PRKG2: variants seen among roughly 807,000 people sequenced by gnomAD.
PRKG2 encodes protein kinase cGMP-dependent 2.
In PRKG2, 33 loss-of-function variants were observed where a neutral mutation model predicts 97.2. The ratio of observed to expected loss-of-function variants is 0.34; its 90% confidence interval spans 0.26 to 0.45. PRKG2 has a LOEUF of 0.45. PRKG2 is among the 20% of genes least tolerant of loss of function. PRKG2 has a pLI of 1.00. For synonymous variants in PRKG2, 330 were observed against 321.8 expected, an observed-to-expected ratio of 1.03 and a Z score of -0.27; for missense variants, 638 against 900.0, an observed-to-expected ratio of 0.71 and a Z score of 3.73.
intron 9 of PRKG2, 50 bp downstream of exon 9, chr4:81,148,834 A>G: frequency 5.3e-6 from 8 of 1,521,192 alleles, no homozygotes; most frequent in Non-Finnish European, 7.3e-6. Flanking sequence ...CAGAAGGCCA[A>G]GTCTTCAAAG....
chr4:81,171,586 G>C (rs1560600677), intron 4 of PRKG2, 105 bp downstream of exon 4: 3 of 780,004 alleles, frequency 3.8e-6, no homozygotes, highest in Non-Finnish European at 5.9e-6. Context: ...AACATATAGG[G>C]TAAAATGGGA....
rs577338921 is a variant in PRKG2 at position 81,117,234 on chromosome 4, C to T, written c.1777-6623G>A. On this transcript the variant is annotated intron_variant, in intron 14 of 18. Coordinates refer to ENST00000264399, the MANE Select transcript of PRKG2 (RefSeq NM_006259.3). ...TCTTGAACTCCTGAACTCAAGCAAT[C>T]CTCCCTCCTCGGGTGTCCCAAAGCG... Among the ~76,000 whole-genome samples the T allele has an allele frequency of 1.1e-4, 16 of 152,066 alleles. 1 individual carries two copies. The South Asian group carries it at 2.9e-3, about 28-fold the overall frequency.
chr4:81,120,325 G>A (rs527802233), intron 14 of PRKG2, among the ~76,000 whole-genome samples: 1 of 152,340 alleles, frequency 6.6e-6, no homozygotes, highest in African/African-American at 2.4e-5. Context: ...TGAATCTGCT[G>A]TGATTCTGGG....
At chr4:81,209,865 A>C (rs1753876909) in intron 1 of PRKG2, among the ~76,000 whole-genome samples, 1 of 152,132 alleles carries the variant, frequency 6.6e-6, no homozygotes, top group African/African-American at 2.4e-5. Flanking sequence ...TGGTGAAAAA[A>C]TAGACAAGTA....
chr4:81,120,216 A>G (rs1744945501), intron 14 of PRKG2, among the ~76,000 whole-genome samples: 1 of 152,114 alleles, frequency 6.6e-6, no homozygotes, highest in South Asian at 2.1e-4. Context: ...AAGACCTGTA[A>G]CCAATCCAGC....
chr4:81,149,980 C>G (rs1748222246), intron 8 of PRKG2, among the ~76,000 whole-genome samples: 1 of 152,162 alleles, frequency 6.6e-6, no homozygotes, highest in Non-Finnish European at 1.5e-5. Context: ...CTGTCCCTCC[C>G]AAGTTTACAG....
chr4:81,152,187 T>A (rs1748472939), intron 7 of PRKG2, 133 bp from the exon 8 acceptor site: 1 of 655,026 alleles, frequency 1.5e-6, no homozygotes, highest in Non-Finnish European at 2.5e-6. Flanking sequence ...TGTTTTAATT[T>A]TATGGTAATT....
intron 17 of PRKG2, among the ~76,000 whole-genome samples, chr4:81,100,136 G>T (rs1742576846): frequency 6.6e-6 from 1 of 151,528 alleles, no homozygotes. Context: ...TGGCCATACT[G>T]CCCAAGGTAA....
At chr4:81,129,086 C>G (rs1437217989) in intron 14 of PRKG2, among the ~76,000 whole-genome samples, 1 of 152,172 alleles carries the variant, frequency 6.6e-6, no homozygotes, top group Non-Finnish European at 1.5e-5. Flanking sequence ...AGTAGTCATT[C>G]AGGAGCAGGT....
chr4:81,104,415 C>T lies in PRKG2; in HGVS notation c.2081G>A (p.Arg694Lys). Residue 694 changes from arginine (R) to lysine (K), a missense_variant, in exon 17 of 19, where the codon AGG (arginine) becomes AAG (lysine). This residue lies in a region of PRKG2 where 304 missense variants were observed against 460.5 expected (regional missense o/e 0.66). Transcript: ENST00000264399. ...RRLCRQNPTE[R>K]LGNLKNGIND... ...TATTCCATTCTTCAGATTTCCCAGC[C>T]TTTCTGTTGGATTTTGCCTAAAACA... 1 of 1,464,014 alleles carries T rather than the reference C, an allele frequency of 6.8e-7. No homozygotes were observed. Among genetic ancestry groups the T allele is most frequent in the Non-Finnish European group, 9.1e-7 (1 of 1,103,276 alleles). The allele number at this position is 1,464,014 out of a possible 1,614,324, so 90.7% of individuals were successfully genotyped here. A position where few individuals can be genotyped will look rare whatever the true frequency, so the allele number is the denominator to read the frequency against.
chr4:81,139,781 C>CAAAAAAAAAAA (rs548249378), intron 12 of PRKG2, among the ~76,000 whole-genome samples: 3 of 75,324 alleles, frequency 4.0e-5, no homozygotes, highest in South Asian at 4.5e-4. Context: ...TCTCAAAAGA[C>CAAAAAAAAAAA]AAAAAAAAAA....
In PRKG2 at chr4:81,174,648, A is replaced by C. The variant is rs548883395; in HGVS notation, c.628+145T>G. 487 of 744,496 alleles carry C rather than the reference A, an allele frequency of 6.5e-4. 2 individuals are homozygous for C. In the African/African-American group the frequency reaches 7.8e-3, roughly 12 times the overall value. The allele number at this position is 744,496 out of a possible 1,614,324, so 46.1% of individuals were successfully genotyped here. ...ATTAAACATTACCATCATCATGATT[A>C]GATCAACAATTTTGCTATTTCATGA... On this transcript the variant is annotated intron_variant, in intron 3 of 18. Transcript: ENST00000264399.
At chr4:81,173,267 T>C (rs1390602283) in intron 3 of PRKG2, among the ~76,000 whole-genome samples, 2 of 152,156 alleles carry the variant, frequency 1.3e-5, no homozygotes, top group Non-Finnish European at 2.9e-5. Flanking sequence ...TTAATTCAAA[T>C]AAGAAACCAT....
Position 81,137,498 on chromosome 4 carries a change from A to AT in PRKG2, c.1545-17_1545-16insA. 1 of 1,576,712 alleles carries AT rather than the reference A, an allele frequency of 6.3e-7. No individual in the cohort carries two copies. Among genetic ancestry groups the AT allele is most frequent in the Non-Finnish European group, 8.7e-7 (1 of 1,149,030 alleles). ...ACGATATAATCTGTGAAGACAGATA[A>AT]AAACATGGTTATTATTGGAAATCTA... is the stretch of plus-strand genomic sequence containing the variant. On this transcript the variant is annotated splice_polypyrimidine_tract_variant and intron_variant, in intron 12 of 18. Transcript: ENST00000264399.
intron 2 of PRKG2, among the ~76,000 whole-genome samples, chr4:81,196,790 G>T (rs933148853): frequency 1.3e-5 from 2 of 151,974 alleles, no homozygotes; most frequent in African/African-American, 4.8e-5. Flanking sequence ...AAAGAAACCT[G>T]TCACACATAA....
intron 2 of PRKG2, among the ~76,000 whole-genome samples, chr4:81,179,723 C>G (rs1350365619): frequency 6.6e-6 from 1 of 152,084 alleles, no homozygotes; most frequent in Non-Finnish European, 1.5e-5. Flanking sequence ...ATGGAGTTAA[C>G]ACAATTTAAG....
At chr4:81,164,952 G>A (rs1749856471) in intron 6 of PRKG2, 1 of 152,122 alleles carries the variant, frequency 6.6e-6, no homozygotes, top group Non-Finnish European at 1.5e-5. Context: ...CATGTGTGGG[G>A]GCAGAAACTA....
At chr4:81,215,625 C>G (rs529754100), upstream of PRKG2, among the ~76,000 whole-genome samples, 3 of 151,710 alleles carry the variant, frequency 2.0e-5, no homozygotes, top group South Asian at 4.2e-4. Flanking sequence ...AACAGGCGCA[C>G]GTACCCTGGA....
At chr4:81,124,075 C>T (rs192588908) in intron 14 of PRKG2, among the ~76,000 whole-genome samples, 1 of 152,272 alleles carries the variant, frequency 6.6e-6, no homozygotes, top group African/African-American at 2.4e-5. Context: ...GATCCTTCAT[C>T]AGGGATCATT....
Sources: gnomAD v4.1 joint callset for allele counts (sites outside exome capture counted in the v4.1 genomes callset) on GRCh38, gnomAD v4.1.1 for gene constraint, gnomAD v4.1.1 regional missense constraint, MANE v1.5 for transcripts, NCBI Gene and HGNC (gene_info 2026-07-23, HGNC 2026-07-21) for gene names.